The following SLC2A13 variants were observed in gnomAD, a reference collection of about 807,000 sequenced individuals.
SLC2A13 encodes the protein solute carrier family 2 member 13.
SLC2A13 carries 32 observed loss-of-function variants against 64.4 expected under a neutral mutation model. The observed-to-expected ratio is 0.50, with a 90% CI of 0.37 to 0.67. SLC2A13 has a LOEUF of 0.67. SLC2A13 is among the 30% of genes least tolerant of loss of function. The pLI is 0.00. For missense variants in SLC2A13, 743 were observed against 829.2 expected, an observed-to-expected ratio of 0.90 and a Z score of 1.28; for synonymous variants, 338 against 327.1, an observed-to-expected ratio of 1.03 and a Z score of -0.36.
At chr12:39,980,145 G>T (rs1433053226) in intron 3 of SLC2A13, among the ~76,000 whole-genome samples, 2 of 151,070 alleles carry the variant, frequency 1.3e-5, no homozygotes, top group African/African-American at 4.8e-5. Flanking sequence ...TCACCACCAG[G>T]CCTGCCCTAA....
intron 7 of SLC2A13, among the ~76,000 whole-genome samples, chr12:39,795,204 CTCTG>C (rs1251904493): frequency 4.6e-5 from 7 of 151,972 alleles, no homozygotes; most frequent in Non-Finnish European, 7.4e-5. Context: ...CTCTCTCTCT[CTCTG>C]TGTGTGTCAC....
At position 40,105,365 on chromosome 12, in the gene SLC2A13, G is replaced by C. The variant is rs764554738; in HGVS notation, c.444C>G (p.Arg148=). 6.3e-6 allele frequency: 10 copies of C among 1,579,002 alleles called. No individual in the cohort carries two copies. The South Asian group carries it at 1.1e-4, about 18-fold the overall frequency. Residue 148 remains arginine (R), a synonymous_variant, in exon 1 of 10, where the codon CGC becomes CGG. Transcript: ENST00000280871. The surrounding 1 kb of genome is among the most constrained non-coding windows in gnomAD (Gnocchi z 4.2). ...GGALNGVFGR[R]AAILLASALF... ...GGGCACTGGCCAGGAGGATGGCAGC[G>C]CGGCGGCCGAAGACGCCGTTGAGGG... is the stretch of plus-strand genomic sequence containing the variant.
chr12:39,994,744 T>C (rs1322747611), intron 3 of SLC2A13, among the ~76,000 whole-genome samples: 1 of 152,226 alleles, frequency 6.6e-6, no homozygotes, highest in Admixed American at 6.5e-5. Flanking sequence ...TCTGAGAAAG[T>C]ACCTTAACTT....
intron 6 of SLC2A13, among the ~76,000 whole-genome samples, chr12:39,856,431 T>C (rs1262687008): frequency 6.6e-6 from 1 of 152,152 alleles, no homozygotes; most frequent in Non-Finnish European, 1.5e-5. Context: ...TGCAGTGGCG[T>C]GATCTCGGCT....
At chr12:40,101,977 C>A (rs1436656440) in intron 1 of SLC2A13, among the ~76,000 whole-genome samples, 1 of 152,110 alleles carries the variant, frequency 6.6e-6, no homozygotes, top group African/African-American at 2.4e-5. Flanking sequence ...CATACTAAAG[C>A]ACTAAATAAG....
intron 7 of SLC2A13, among the ~76,000 whole-genome samples, chr12:39,814,575 A>G (rs1302763026): frequency 1.3e-5 from 2 of 152,084 alleles, no homozygotes; most frequent in African/African-American, 4.8e-5. Flanking sequence ...AAAAAAAGGA[A>G]CTCCTCTTTT....
At chr12:39,813,076 C>A (rs1051881347) in intron 7 of SLC2A13, among the ~76,000 whole-genome samples, 4 of 138,538 alleles carry the variant, frequency 2.9e-5, no homozygotes, top group African/African-American at 5.4e-5. Flanking sequence ...AACTCCTGGC[C>A]TCAAGTGATC....
intron 4 of SLC2A13, among the ~76,000 whole-genome samples, chr12:39,902,556 T>C (rs549397578): frequency 2.6e-5 from 4 of 152,124 alleles, no homozygotes; most frequent in African/African-American, 9.6e-5. Flanking sequence ...CCAGGTGTAC[T>C]AAAAATAAAA....
intron 4 of SLC2A13, among the ~76,000 whole-genome samples, chr12:39,895,293 A>T (rs1944714580): frequency 6.6e-6 from 1 of 151,776 alleles, no homozygotes; most frequent in Non-Finnish European, 1.5e-5. Context: ...GATTGAGACC[A>T]TCCTGGCTAA....
intron 4 of SLC2A13, among the ~76,000 whole-genome samples, chr12:39,935,912 C>A (rs1481657398): frequency 6.6e-6 from 1 of 152,152 alleles, no homozygotes; most frequent in Non-Finnish European, 1.5e-5. Context: ...TTCCTGATTT[C>A]CAGATCACTG....
At chr12:39,766,433 C>T (rs1428691071) in intron 7 of SLC2A13, among the ~76,000 whole-genome samples, 2 of 152,052 alleles carry the variant, frequency 1.3e-5, no homozygotes, top group African/African-American at 4.8e-5. Flanking sequence ...CGATCATCTG[C>T]ACCTTTCACA....
chr12:39,871,251 C>T (rs2135939377), intron 5 of SLC2A13, among the ~76,000 whole-genome samples: 1 of 152,158 alleles, frequency 6.6e-6, no homozygotes, highest in Admixed American at 6.5e-5. Flanking sequence ...CTTTATTTTG[C>T]TATCATAGAA....
intron 1 of SLC2A13, among the ~76,000 whole-genome samples, chr12:40,098,728 T>C (rs573114580): frequency 8.5e-5 from 13 of 152,338 alleles, no homozygotes; most frequent in African/African-American, 3.1e-4. Context: ...CTAAATATCC[T>C]TATCTTAAAA....
chr12:39,993,830 A>G (rs1023806400), intron 3 of SLC2A13, among the ~76,000 whole-genome samples: 1 of 152,200 alleles, frequency 6.6e-6, no homozygotes, highest in African/African-American at 2.4e-5. Flanking sequence ...ATATTTCCAA[A>G]CAACATTGAA....
intron 4 of SLC2A13, among the ~76,000 whole-genome samples, chr12:39,940,510 A>T (rs1946001110): frequency 6.6e-6 from 1 of 152,124 alleles, no homozygotes; most frequent in Non-Finnish European, 1.5e-5. Flanking sequence ...AATATGATTA[A>T]CAAGTATGAA....
intron 6 of SLC2A13, among the ~76,000 whole-genome samples, chr12:39,848,853 G>A (rs1461098295): frequency 1.3e-5 from 2 of 152,242 alleles, no homozygotes; most frequent in East Asian, 1.9e-4. Context: ...AAAAAAGGAC[G>A]AGATCACATC....
chr12:40,057,510 G>C (rs1056721531), intron 1 of SLC2A13, among the ~76,000 whole-genome samples: 1 of 152,172 alleles, frequency 6.6e-6, no homozygotes, highest in Non-Finnish European at 1.5e-5. Flanking sequence ...ATTGTGACTC[G>C]AGTGTTTTAT....
Position 39,957,514 on chromosome 12 carries a change from T to C in SLC2A13, c.926-6149A>G, listed in dbSNP as rs183098538. Among the ~76,000 whole-genome samples, 579 of 152,286 alleles carry C rather than the reference T, an allele frequency of 3.8e-3. 2 individuals are homozygous for C. Among genetic ancestry groups the C allele is most frequent in the Non-Finnish European group, 6.4e-3 (437 of 68,026 alleles). ...TTTCATGGTCCCACCTGCCACTCTA[T>C]CCAGCCTCAGTTCCAGATTTATCTA... On this transcript the variant is annotated intron_variant, in intron 3 of 9. Transcript: ENST00000280871.
At chr12:39,938,686 CTTTT>C (rs57069142) in intron 4 of SLC2A13, among the ~76,000 whole-genome samples, 1 of 145,700 alleles carries the variant, frequency 6.9e-6, no homozygotes, top group Non-Finnish European at 1.5e-5. Flanking sequence ...GGATCATTGA[CTTTT>C]TTTTTTTTTT....
Sources: allele counts gnomAD v4.1 joint callset (sites outside exome capture counted in the v4.1 genomes callset), GRCh38; gene constraint gnomAD v4.1.1; non-coding constraint Gnocchi (gnomAD v3.1); transcripts MANE v1.5; gene names NCBI Gene and HGNC (gene_info 2026-07-23, HGNC 2026-07-21).